Variants in TLN2 observed in about 807,000 individuals in gnomAD.
The protein encoded by TLN2 is talin-2.
In TLN2, 118 loss-of-function variants were observed where a neutral mutation model predicts 294.7. The observed-to-expected ratio is 0.40, with a 90% CI of 0.34 to 0.47. The LOEUF is 0.47. Among genes scored for constraint, TLN2 ranks in the 20% least tolerant of loss-of-function variants. The pLI is 0.84. For synonymous variants in TLN2, 1,431 were observed against 1,304.5 expected (o/e 1.10, Z -2.09); for missense variants, 3,083 against 3,282.2 (o/e 0.94, Z 1.48).
intron 1 of TLN2, among the ~76,000 whole-genome samples, chr15:62,434,894 C>T (rs991395993): frequency 6.6e-6 from 1 of 152,194 alleles, no homozygotes; most frequent in African/African-American, 2.4e-5. Context: ...GCCCAGCATC[C>T]ATTAGCTATT....
chr15:62,669,330 A>T (rs1171025534), intron 9 of TLN2, among the ~76,000 whole-genome samples: 1 of 152,212 alleles, frequency 6.6e-6, no homozygotes, highest in African/African-American at 2.4e-5. Context: ...AGTGGACTTG[A>T]CCAGAGCAGA....
intron 1 of TLN2, among the ~76,000 whole-genome samples, chr15:62,533,693 C>A (rs377384773): frequency 2.6e-5 from 4 of 152,066 alleles, no homozygotes; most frequent in Admixed American, 2.0e-4. Context: ...ATTATGATGG[C>A]AGGTATTTAG....
At chr15:62,761,230 A>T (rs1361537192) in intron 37 of TLN2, among the ~76,000 whole-genome samples, 1 of 152,246 alleles carries the variant, frequency 6.6e-6, no homozygotes, top group East Asian at 1.9e-4. Flanking sequence ...GAAAAAGTTA[A>T]AAGTACTGCT....
Position 62,762,346 on chromosome 15 carries a change from T to G in TLN2, c.4854T>G (p.Thr1618=). 1 of 1,614,232 alleles carries G rather than the reference T, an allele frequency of 6.2e-7. No individual in the cohort carries two copies. The highest frequency in any genetic ancestry group is 8.5e-7 in the Non-Finnish European group (1 of 1,180,054). Reference sequence around the variant, plus strand: ...AGAGTTCATCGTACCTCATTCGCACTGCACGCTCTCTGGCCATCAACCCCA... The same window carrying G: ...AGAGTTCATCGTACCTCATTCGCACGGCACGCTCTCTGGCCATCAACCCCA... The part of the protein sequence containing the change: ...MLESSSYLIR[T]ARSLAINPKD... The change falls in exon 39 of 59, where the codon ACT becomes ACG. Residue 1618 remains threonine (T), a synonymous_variant. Coordinates refer to ENST00000636159, the MANE Select transcript of TLN2 (RefSeq NM_015059.3).
intron 1 of TLN2, among the ~76,000 whole-genome samples, chr15:62,569,804 T>G (rs912466390): frequency 2.0e-5 from 3 of 152,200 alleles, no homozygotes; most frequent in Non-Finnish European, 1.5e-5. Context: ...TCCACATATG[T>G]GAATGCAGAC....
intron 1 of TLN2, among the ~76,000 whole-genome samples, chr15:62,406,834 G>A (rs1477734104): frequency 6.6e-6 from 1 of 151,980 alleles, no homozygotes; most frequent in Non-Finnish European, 1.5e-5. Flanking sequence ...CTTTTTATGA[G>A]GACAACAATC....
At chr15:62,678,386 A>G (rs747104408) in intron 11 of TLN2, among the ~76,000 whole-genome samples, 3 of 152,264 alleles carry the variant, frequency 2.0e-5, no homozygotes, top group Non-Finnish European at 4.4e-5. Context: ...ACTATTTTAT[A>G]TAAAGCCACT....
chr15:62,414,605 C>T (rs2033974753), intron 1 of TLN2, among the ~76,000 whole-genome samples: 2 of 141,206 alleles, frequency 1.4e-5, no homozygotes, highest in African/African-American at 2.5e-5. Context: ...GTTTGAGAAC[C>T]GCTGTCATAC....
intron 1 of TLN2, among the ~76,000 whole-genome samples, chr15:62,399,052 G>T (rs1307650886): frequency 6.6e-6 from 1 of 151,970 alleles, no homozygotes; most frequent in Non-Finnish European, 1.5e-5. Flanking sequence ...TGGCTACAAG[G>T]GGCCAAAGTA....
At chr15:62,504,671 T>G (rs903576205) in intron 1 of TLN2, among the ~76,000 whole-genome samples, 1 of 152,194 alleles carries the variant, frequency 6.6e-6, no homozygotes, top group Non-Finnish European at 1.5e-5. Flanking sequence ...ATACAAAAAT[T>G]ATCTTGAAAT....
intron 1 of TLN2, among the ~76,000 whole-genome samples, chr15:62,509,496 GA>G (rs1457980365): frequency 6.6e-6 from 1 of 152,200 alleles, no homozygotes; most frequent in African/African-American, 2.4e-5. Context: ...TCTTCTAGCA[GA>G]ATCTAGATTC....
intron 3 of TLN2, among the ~76,000 whole-genome samples, chr15:62,642,729 G>A (rs551647363): frequency 4.5e-4 from 63 of 141,038 alleles, no homozygotes; most frequent in African/African-American, 1.6e-3. Context: ...ACAGAGTCTT[G>A]CTCTGTCACC....
chr15:62,619,086 A>AT lies in TLN2; in HGVS notation c.-37+623dup, dbSNP rs11334952. On this transcript the variant is annotated intron_variant, in intron 3 of 58. Coordinates refer to ENST00000636159, the MANE Select transcript of TLN2 (RefSeq NM_015059.3). ...TGTTTCTTGGATGCTGAGATGTTTG[A>AT]TTTTTTTTTTTTAACTGAGCATAGC... Among the ~76,000 whole-genome samples, 984 of 147,122 alleles carry AT rather than the reference A, an allele frequency of 6.7e-3. 3 individuals are homozygous for AT. The highest frequency in any genetic ancestry group is 0.011 in the Non-Finnish European group (705 of 66,234).
chr15:62,835,507 C>T, intron 55 of TLN2: 2 of 585,824 alleles, frequency 3.4e-6, no homozygotes. Flanking sequence ...CCATTCTTAG[C>T]ATTTCCTGTC....
At chr15:62,478,854 G>A (rs1227415676) in intron 1 of TLN2, among the ~76,000 whole-genome samples, 6 of 152,108 alleles carry the variant, frequency 3.9e-5, no homozygotes, top group East Asian at 1.9e-4. Context: ...TCAACTTTTG[G>A]CTTCATGTAT....
chr15:62,813,720 T>A (rs1221989366), intron 52 of TLN2, among the ~76,000 whole-genome samples: 3 of 152,096 alleles, frequency 2.0e-5, no homozygotes, highest in African/African-American at 7.2e-5. Flanking sequence ...TAAGTTTAAT[T>A]AGGCATACTG....
chr15:62,694,830 G>T (rs149953816), intron 14 of TLN2, among the ~76,000 whole-genome samples: 1 of 152,150 alleles, frequency 6.6e-6, no homozygotes, highest in African/African-American at 2.4e-5. Context: ...CGCTTGTCTC[G>T]AGTGCTGTGA....
intron 12 of TLN2, among the ~76,000 whole-genome samples, chr15:62,690,047 G>A (rs1485995815): frequency 4.8e-5 from 4 of 83,604 alleles, no homozygotes; most frequent in Admixed American, 4.2e-4. Context: ...GGGGCGGCCG[G>A]GCAGAGGCGC....
chr15:62,610,272 G>A (rs911911500), intron 2 of TLN2, among the ~76,000 whole-genome samples: 1 of 152,196 alleles, frequency 6.6e-6, no homozygotes, highest in Non-Finnish European at 1.5e-5. Flanking sequence ...ATTCTATAAA[G>A]TATCTTCAAA....
Sources: gnomAD v4.1 joint callset for allele counts (sites outside exome capture counted in the v4.1 genomes callset) on GRCh38, gnomAD v4.1.1 for gene constraint, MANE v1.5 for transcripts, NCBI Gene and HGNC (gene_info 2026-07-23, HGNC 2026-07-21) for gene names.